NR3C2: variants seen among roughly 807,000 people sequenced by gnomAD.
NR3C2 encodes mineralocorticoid receptor.
A neutral mutation model predicts 86.4 loss-of-function variants in NR3C2; 15 were observed. The observed-to-expected ratio is 0.17, with a 90% CI of 0.12 to 0.27. The LOEUF (loss-of-function observed/expected upper bound fraction) is 0.27, where lower values mean the gene tolerates loss of function less well. NR3C2 is among the 10% of genes least tolerant of loss of function. The pLI, the probability that NR3C2 is intolerant of heterozygous loss-of-function variation, is 1.00. For synonymous variants in NR3C2, 458 were observed against 450.5 expected (o/e 1.02, Z -0.21); for missense variants, 960 against 1,195.6 (o/e 0.80, Z 2.91).
intron 6 of NR3C2, among the ~76,000 whole-genome samples, chr4:148,130,892 C>T (rs1281220647): frequency 2.1e-5 from 3 of 145,140 alleles, no homozygotes; most frequent in South Asian, 2.2e-4. Context: ...GGCACGATCT[C>T]GGCTCACTGC....
At chr4:148,120,028 T>A (rs1732444149) in intron 7 of NR3C2, 130 bp downstream of exon 7, 2 of 1,242,978 alleles carry the variant, frequency 1.6e-6, no homozygotes, top group African/African-American at 3.0e-5. Flanking sequence ...TTCCTCCCAT[T>A]TCTTCAGTGT....
intron 6 of NR3C2, among the ~76,000 whole-genome samples, chr4:148,121,873 C>T (rs1269727734): frequency 6.6e-6 from 1 of 152,200 alleles, no homozygotes; most frequent in African/African-American, 2.4e-5. Flanking sequence ...ATCCATTCCA[C>T]TACTGATGGA....
At chr4:148,114,061 T>A (rs1287784694) in intron 8 of NR3C2, 43 bp downstream of exon 8, 1 of 1,608,626 alleles carries the variant, frequency 6.2e-7, no homozygotes, top group Non-Finnish European at 8.5e-7. Context: ...GTGTATGTGG[T>A]TGCTGATCCT....
intron 6 of NR3C2, among the ~76,000 whole-genome samples, chr4:148,130,554 G>C (rs1168236403): frequency 1.3e-5 from 2 of 152,148 alleles, no homozygotes; most frequent in Non-Finnish European, 2.9e-5. Flanking sequence ...GTACTCTTCT[G>C]GATAGTGGGG....
chr4:148,173,439 T>C (rs1333943872), intron 4 of NR3C2, among the ~76,000 whole-genome samples: 1 of 152,046 alleles, frequency 6.6e-6, no homozygotes, highest in Non-Finnish European at 1.5e-5. Context: ...AGCAGGGGTG[T>C]AAGTGATGCC....
At chr4:148,296,584 T>TA (rs77790802) in intron 2 of NR3C2, among the ~76,000 whole-genome samples, 2,702 of 139,196 alleles carry the variant, frequency 0.019, 75 homozygotes, top group African/African-American at 0.065. Flanking sequence ...TCTGACCAAT[T>TA]AAAAAAAAAA....
chr4:148,228,552 T>C lies in NR3C2; in HGVS notation c.1897+31426A>G, dbSNP rs138492967. On this transcript the variant is annotated intron_variant, in intron 3 of 8. Transcript: ENST00000358102. ...TATATATATAAATATCTCCATTACATATTATGGAAACAGGTCCTCTGTCAG... is the reference window on the plus strand; with the variant it reads ...TATATATATAAATATCTCCATTACACATTATGGAAACAGGTCCTCTGTCAG... 4.2e-3 allele frequency among the ~76,000 whole-genome samples: 645 copies of C among 152,324 alleles called. 3 individuals carry two copies. Among genetic ancestry groups the C allele is most frequent in the African/African-American group, 0.014 (602 of 41,576 alleles).
intron 8 of NR3C2, among the ~76,000 whole-genome samples, chr4:148,112,188 A>G (rs995500648): frequency 1.3e-5 from 2 of 152,024 alleles, no homozygotes; most frequent in Non-Finnish European, 2.9e-5. Flanking sequence ...TAGTGTTTCC[A>G]TTGTGCTATG....
chr4:148,142,124 G>A (rs11736161), intron 6 of NR3C2, among the ~76,000 whole-genome samples: 109,391 of 152,108 alleles, frequency 0.72, 40,391 homozygotes, highest in African/African-American at 0.9. Flanking sequence ...GAGTATATGC[G>A]GAGAAGCAGC....
At chr4:148,397,386 C>T (rs1194040462) in intron 2 of NR3C2, among the ~76,000 whole-genome samples, 2 of 152,196 alleles carry the variant, frequency 1.3e-5, no homozygotes, top group African/African-American at 2.4e-5. Flanking sequence ...AGCCAGAGTC[C>T]TGGGTTTTAA....
chr4:148,121,928 A>T (rs1732522088), intron 6 of NR3C2, among the ~76,000 whole-genome samples: 1 of 152,214 alleles, frequency 6.6e-6, no homozygotes, highest in Non-Finnish European at 1.5e-5. Flanking sequence ...ATGATGCCCA[A>T]GGAATATCCT....
intron 3 of NR3C2, among the ~76,000 whole-genome samples, chr4:148,244,266 G>A (rs1056627879): frequency 4.6e-5 from 7 of 152,082 alleles, no homozygotes; most frequent in Non-Finnish European, 8.8e-5. Flanking sequence ...GGGTGAGAAG[G>A]GTGTCCATCC....
At chr4:148,247,544 A>G (rs17024509) in intron 3 of NR3C2, among the ~76,000 whole-genome samples, 4,585 of 151,830 alleles carry the variant, frequency 0.03, 252 homozygotes, top group African/African-American at 0.1. Context: ...TCTGCTCTAC[A>G]GGTAATTTTC....
intron 2 of NR3C2, among the ~76,000 whole-genome samples, chr4:148,346,447 A>T (rs1322373038): frequency 1.3e-5 from 2 of 152,066 alleles, no homozygotes; most frequent in Non-Finnish European, 2.9e-5. Flanking sequence ...GGATATGCTT[A>T]GCTGTAGACA....
At chr4:148,270,500 A>G (rs1740626168) in intron 2 of NR3C2, among the ~76,000 whole-genome samples, 1 of 152,238 alleles carries the variant, frequency 6.6e-6, no homozygotes, top group Non-Finnish European at 1.5e-5. Context: ...AATTAATGGC[A>G]ATGTTATAGT....
intron 2 of NR3C2, among the ~76,000 whole-genome samples, chr4:148,350,025 C>A (rs760532576): frequency 6.6e-6 from 1 of 152,128 alleles, no homozygotes; most frequent in South Asian, 2.1e-4. Context: ...TCTGAAAGTA[C>A]CTTATTATAA....
chr4:148,134,823 A>G (rs1375291335), intron 6 of NR3C2, among the ~76,000 whole-genome samples: 10 of 139,390 alleles, frequency 7.2e-5, no homozygotes, highest in Admixed American at 4.3e-4. Context: ...TAATTTTTGT[A>G]TTTTTTTTTT....
chr4:148,361,859 C>T (rs1345566227), intron 2 of NR3C2, among the ~76,000 whole-genome samples: 9 of 122,790 alleles, frequency 7.3e-5, no homozygotes, highest in Non-Finnish European at 1.3e-4. Flanking sequence ...GTTTTTGAGA[C>T]AGAGTTTCAC....
intron 1 of NR3C2, among the ~76,000 whole-genome samples, chr4:148,437,773 G>A (rs969990967): frequency 2.6e-5 from 4 of 152,138 alleles, no homozygotes; most frequent in African/African-American, 9.7e-5. Context: ...TTTACCAAGT[G>A]CCTGCTACAC....
Sources: allele counts gnomAD v4.1 joint callset (sites outside exome capture counted in the v4.1 genomes callset), GRCh38; gene constraint gnomAD v4.1.1; transcripts MANE v1.5; gene names NCBI Gene and HGNC (gene_info 2026-07-23, HGNC 2026-07-21).